The following TMEM222 variants were observed in gnomAD, a reference collection of about 807,000 sequenced individuals.
The protein encoded by TMEM222 is transmembrane protein 222.
In TMEM222, 18 loss-of-function variants were observed where a neutral mutation model predicts 25.1. The ratio of observed to expected loss-of-function variants is 0.72; its 90% CI spans 0.50 to 1.06. TMEM222 has a LOEUF of 1.06. Among genes scored for constraint, TMEM222 ranks in the 50% least tolerant of loss-of-function variants. The pLI, the probability that TMEM222 is intolerant of heterozygous loss-of-function variation, is 0.00. For missense variants in TMEM222, 296 were observed against 293.7 expected, an observed-to-expected ratio of 1.01 and a Z score of -0.06; for synonymous variants, 131 against 117.9, an observed-to-expected ratio of 1.11 and a Z score of -0.72.
chr1:27,330,738 C>T lies in TMEM222; in HGVS notation c.213C>T (p.Ile71=), dbSNP rs201037790. Residue 71 remains isoleucine (I), a synonymous_variant, in exon 2 of 6, where the codon ATC becomes ATT. Transcript: ENST00000374076. The part of the protein sequence containing the change: ...IPVLTWFFPI[I]GHMGICTSTG... ...CTCACAGGTGGTTTTTCCCCATCAT[C>T]GGCCACATGGGCATCTGCACATCCA... The T allele has an allele frequency of 5.0e-6, 8 of 1,614,210 alleles. No individual in the cohort carries two copies. In the African/African-American group the frequency reaches 5.3e-5, roughly 11 times the overall value.
intron 5 of TMEM222, 66 bp from the exon 6 acceptor site, chr1:27,335,313 G>A (rs2014578205): frequency 2.0e-6 from 3 of 1,529,120 alleles, no homozygotes; most frequent in South Asian, 1.1e-5. Flanking sequence ...GGGTGCTCAG[G>A]GCTGCGGGCC....
chr1:27,327,512 T>G (rs1315444391), intron 1 of TMEM222, among the ~76,000 whole-genome samples: 1 of 152,180 alleles, frequency 6.6e-6, no homozygotes, highest in Non-Finnish European at 1.5e-5. Context: ...CCTCAGCCTC[T>G]CGAGTAGCTG....
At position 27,335,575 on chromosome 1, in the gene TMEM222, G is replaced by T. The variant is rs1255620349; in HGVS notation, c.*109G>T. 1.8e-6 allele frequency: 2 copies of T among 1,097,622 alleles called. No individual in the cohort carries two copies. The highest frequency in any genetic ancestry group is 3.1e-5 in the African/African-American group (2 of 64,934). 68.0% of individuals were successfully genotyped at this position (1,097,622 alleles called of 1,614,324 possible). A position where few individuals can be genotyped will look rare whatever the true frequency, so the allele number is the denominator to read the frequency against. On this transcript the variant is annotated 3_prime_UTR_variant, in exon 6 of 6. Coordinates refer to ENST00000374076, the MANE Select transcript of TMEM222 (RefSeq NM_032125.3). Reference sequence around the variant, plus strand: ...CCCAAAAGGCAGGGTTGGGCCTGCTGTTGTGGACCGGGGGTCGGGGCTGGC... The same window carrying T: ...CCCAAAAGGCAGGGTTGGGCCTGCTTTTGTGGACCGGGGGTCGGGGCTGGC...
At chr1:27,328,533 C>T (rs1449290053) in intron 1 of TMEM222, among the ~76,000 whole-genome samples, 1 of 152,172 alleles carries the variant, frequency 6.6e-6, no homozygotes, top group East Asian at 1.9e-4. Context: ...TCCTGTCAGT[C>T]GTAAACTCTC....
intron 5 of TMEM222, 179 bp from the exon 6 acceptor site, chr1:27,335,200 C>G: frequency 3.1e-6 from 2 of 636,606 alleles, no homozygotes; most frequent in South Asian, 1.8e-5. Flanking sequence ...TGGTGATCCC[C>G]CATAGTGGGC....
chr1:27,332,607 C>A (rs1356414620), intron 3 of TMEM222: 1 of 688,288 alleles, frequency 1.5e-6, no homozygotes, highest in Non-Finnish European at 2.7e-6. Context: ...TTCATCTTTG[C>A]AGTCTCGGGT....
At chr1:27,332,041 CACTG>C (rs2014491504) in intron 2 of TMEM222, 25 bp from the exon 3 acceptor site, 1 of 1,614,146 alleles carries the variant, frequency 6.2e-7, no homozygotes. Flanking sequence ...GTAAGTTCCT[CACTG>C]ACCTCTGCTT....
intron 3 of TMEM222, chr1:27,333,030 A>G (rs1222420403): frequency 9.7e-6 from 3 of 310,612 alleles, no homozygotes; most frequent in African/African-American, 2.2e-5. Flanking sequence ...TGGAACAGCA[A>G]TTCTCACCCA....
In TMEM222 at chr1:27,322,411, C is replaced by T. The variant is rs1406917828; in HGVS notation, c.194+20C>T. 2.9e-6 allele frequency: 4 copies of T among 1,362,198 alleles called. No homozygotes were observed. The highest frequency in any genetic ancestry group is 3.8e-6 in the Non-Finnish European group (4 of 1,044,018). The allele number at this position is 1,362,198 out of a possible 1,614,324, so 84.4% of individuals were successfully genotyped here. On this transcript the variant is annotated intron_variant, in intron 1 of 5. Coordinates refer to ENST00000374076, the MANE Select transcript of TMEM222 (RefSeq NM_032125.3). ...GCTCACGTGAGTCTCTTCCGGCATC[C>T]GCCTGGGGACGAGGAGGGCCCAGGG...
At chr1:27,326,070 C>A (rs1208955719) in intron 1 of TMEM222, among the ~76,000 whole-genome samples, 2 of 152,178 alleles carry the variant, frequency 1.3e-5, no homozygotes, top group African/African-American at 2.4e-5. Flanking sequence ...GTGGCTTGGT[C>A]ACTGCGTGGC....
chr1:27,331,062 C>T (rs915443133), intron 2 of TMEM222: 9 of 1,388,998 alleles, frequency 6.5e-6, no homozygotes, highest in African/African-American at 4.4e-5. Context: ...CCTGGGGTAC[C>T]GAGACATGGG....
chr1:27,322,261 G>C lies in TMEM222; in HGVS notation c.64G>C (p.Ala22Pro). Residue 22 changes from alanine to proline, a missense_variant, in exon 1 of 6, where the codon GCG (alanine) becomes CCG (proline). By Grantham distance (27) the Ala-to-Pro change is conservative. Coordinates refer to ENST00000374076, the MANE Select transcript of TMEM222 (RefSeq NM_032125.3). ...GCCGCCGCCACCCCCGCCCAGGATG[G>C]CGGAAGTGGAGGCGCCGACGGCGGC... ...LPPPPPPPRM[A>P]EVEAPTAAET... 6.5e-7 allele frequency: 1 copy of C among 1,542,320 alleles called. No individual in the cohort carries two copies.
In TMEM222 at chr1:27,335,547, C is replaced by A; in HGVS notation, c.*81C>A. 6.9e-7 allele frequency: 1 copy of A among 1,443,112 alleles called. No homozygotes were observed. The highest frequency in any genetic ancestry group is 9.7e-7 in the Non-Finnish European group (1 of 1,034,810). The allele number at this position is 1,443,112 out of a possible 1,614,324, so 89.4% of individuals were successfully genotyped here. On this transcript the variant is annotated 3_prime_UTR_variant, in exon 6 of 6. Transcript: ENST00000374076. ...TTTTGGTTCCAGATTTTTTTCTCCT[C>A]ACCCCAAAAGGCAGGGTTGGGCCTG...
chr1:27,333,880 G>T (rs1393456322), intron 3 of TMEM222, 78 bp from the exon 4 acceptor site: 2 of 1,331,910 alleles, frequency 1.5e-6, no homozygotes, highest in Admixed American at 2.0e-5. Flanking sequence ...CGGGCACAGG[G>T]CAGGCCTCAG....
At chr1:27,325,099 T>G (rs1459388782) in intron 1 of TMEM222, 2 of 325,784 alleles carry the variant, frequency 6.1e-6, no homozygotes, top group Non-Finnish European at 1.2e-5. Context: ...GAGCTAGGCA[T>G]AGATGTGGCG....
chr1:27,322,187 G>A lies in TMEM222; in HGVS notation c.-11G>A, dbSNP rs557029458. ...CAGAGCCGGGGCCAGTCGGAGCGGG[G>A]CGCGCGCCGCATGGCGGAAGCGGAA... On this transcript the variant is annotated 5_prime_UTR_variant, in exon 1 of 6. Coordinates refer to ENST00000374076, the MANE Select transcript of TMEM222 (RefSeq NM_032125.3). The A allele has an allele frequency of 3.6e-5, 50 of 1,382,142 alleles. No individual in the cohort carries two copies. The South Asian group carries it at 7.7e-4, about 21-fold the overall frequency. 85.6% of individuals were successfully genotyped at this position (1,382,142 alleles called of 1,614,324 possible).
intron 3 of TMEM222, 121 bp downstream of exon 3, chr1:27,332,222 G>T: frequency 5.6e-6 from 7 of 1,240,446 alleles, no homozygotes; most frequent in East Asian, 2.3e-5. Context: ...GGGGTCGGGG[G>T]AGAGGTCAGC....
At chr1:27,326,148 CT>C (rs2014344745) in intron 1 of TMEM222, among the ~76,000 whole-genome samples, 1 of 152,184 alleles carries the variant, frequency 6.6e-6, no homozygotes, top group African/African-American at 2.4e-5. Context: ...AGTCTCCGAT[CT>C]TTGCAGGGTA....
chr1:27,330,645 A>T, intron 1 of TMEM222, 75 bp from the exon 2 acceptor site: 1 of 1,236,188 alleles, frequency 8.1e-7, no homozygotes, highest in Non-Finnish European at 1.2e-6. Flanking sequence ...GTACTGTATG[A>T]AGGGTCCCCA....
Sources: gnomAD v4.1 joint callset for allele counts (sites outside exome capture counted in the v4.1 genomes callset) on GRCh38, gnomAD v4.1.1 for gene constraint, MANE v1.5 for transcripts, NCBI Gene and HGNC (gene_info 2026-07-23, HGNC 2026-07-21) for gene names.